The following CEP164 variants were observed in gnomAD, a reference collection of about 807,000 sequenced individuals.
The protein encoded by CEP164 is centrosomal protein 164.
In CEP164, 162 loss-of-function variants were observed where a neutral mutation model predicts 182.7. The ratio of observed to expected loss-of-function variants is 0.89; its 90% CI spans 0.78 to 1.01. CEP164 has a LOEUF of 1.01. Among genes scored for constraint, CEP164 ranks in the 50% least tolerant of loss-of-function variants. The pLI is 0.00. For missense variants in CEP164, 1,735 were observed against 1,790.4 expected (o/e 0.97, Z 0.56); for synonymous variants, 661 against 690.0 (o/e 0.96, Z 0.66).
chr11:117,349,081 G>A (rs781525656), intron 4 of CEP164, among the ~76,000 whole-genome samples: 103 of 151,760 alleles, frequency 6.8e-4, no homozygotes, highest in African/African-American at 1.2e-3. Flanking sequence ...GGAGTGCAGT[G>A]GTGCGATCTT....
chr11:117,399,515 G>T (rs1031474903), intron 27 of CEP164, among the ~76,000 whole-genome samples: 1 of 152,120 alleles, frequency 6.6e-6, no homozygotes, highest in African/African-American at 2.4e-5. Context: ...GGAATTGCTG[G>T]GTCAAATGGT....
At chr11:117,378,739 G>A (rs1258733338) in intron 11 of CEP164, among the ~76,000 whole-genome samples, 1 of 152,172 alleles carries the variant, frequency 6.6e-6, no homozygotes, top group Non-Finnish European at 1.5e-5. Flanking sequence ...CAAGAGGACC[G>A]TCCATCTGGG....
intron 11 of CEP164, among the ~76,000 whole-genome samples, chr11:117,378,579 A>T (rs1262329010): frequency 6.6e-6 from 1 of 152,204 alleles, no homozygotes; most frequent in Non-Finnish European, 1.5e-5. Flanking sequence ...GAGCCAAGTT[A>T]AGGAGAGGGA....
At chr11:117,333,484 G>A (rs553603374) in intron 1 of CEP164, among the ~76,000 whole-genome samples, 1 of 152,298 alleles carries the variant, frequency 6.6e-6, no homozygotes, top group Admixed American at 6.5e-5. Context: ...AGCTTCTGGA[G>A]TAGTTTTTCA....
intron 3 of CEP164, among the ~76,000 whole-genome samples, chr11:117,341,544 A>G (rs898531530): frequency 2.6e-5 from 4 of 151,944 alleles, no homozygotes; most frequent in Non-Finnish European, 5.9e-5. Flanking sequence ...CTTGGGCTCA[A>G]GTGATTCTCC....
In CEP164 at chr11:117,362,010, G is replaced by C. The variant is rs773059080; in HGVS notation, c.552+17G>C. 2 of 1,543,322 alleles carry C rather than the reference G, an allele frequency of 1.3e-6. No homozygotes were observed. The highest frequency in any genetic ancestry group is 1.7e-6 in the Non-Finnish European group (2 of 1,150,108). On this transcript the variant is annotated intron_variant, in intron 6 of 32. Transcript: ENST00000278935. Reference sequence around the variant, plus strand: ...CTCATGCTGGTAAGTACGTTCTCTTGCGTTCAGTGTCTGTAGTTCCTGTGG... The same window carrying C: ...CTCATGCTGGTAAGTACGTTCTCTTCCGTTCAGTGTCTGTAGTTCCTGTGG...
chr11:117,354,910 G>T (rs1310623923), intron 5 of CEP164: 74 of 1,246,208 alleles, frequency 5.9e-5, no homozygotes, highest in Non-Finnish European at 7.5e-5. Flanking sequence ...CGTTTTCTCT[G>T]CATGTTTATA....
rs1313922119 is a variant in CEP164, at chr11:117,376,412, C to T, written c.1317+621C>T. The stretch of plus-strand genomic sequence containing the variant: ...GATGATGATTGACCCATGTGTGGTA[C>T]AAAGATGGCTCAAACAGAGATCCTG... On this transcript the variant is annotated intron_variant, in intron 11 of 32. Transcript: ENST00000278935. 5.3e-5 allele frequency among the ~76,000 whole-genome samples: 8 copies of T among 152,174 alleles called. No individual in the cohort carries two copies. In the East Asian group the frequency reaches 1.5e-3, roughly 29 times the overall value.
chr11:117,340,816 G>A (rs1170013193), intron 3 of CEP164, among the ~76,000 whole-genome samples: 1 of 151,982 alleles, frequency 6.6e-6, no homozygotes, highest in Non-Finnish European at 1.5e-5. Context: ...AAGCCACTAC[G>A]ACTGGCCTCT....
chr11:117,401,966 A>G (rs954817390), intron 27 of CEP164, among the ~76,000 whole-genome samples: 12 of 152,000 alleles, frequency 7.9e-5, no homozygotes, highest in African/African-American at 2.7e-4. Context: ...TTGTGTCTCT[A>G]TCTCCTTTAA....
At chr11:117,405,102 T>G (rs536609829) in intron 27 of CEP164, among the ~76,000 whole-genome samples, 1 of 152,216 alleles carries the variant, frequency 6.6e-6, no homozygotes, top group Non-Finnish European at 1.5e-5. Context: ...TCTGTTGGGG[T>G]GGGATCTGGA....
Position 117,371,191 on chromosome 11 carries a change from C to T in CEP164, c.877C>T (p.Leu293=). The T allele has an allele frequency of 6.2e-7, 1 of 1,614,220 alleles. No individual in the cohort carries two copies. The highest frequency in any genetic ancestry group is 8.5e-7 in the Non-Finnish European group (1 of 1,180,048). Residue 293 remains leucine, a synonymous_variant, in exon 9 of 33, where the codon CTG becomes TTG. Coordinates refer to ENST00000278935, the MANE Select transcript of CEP164 (RefSeq NM_014956.5). ...CTCCAGCCCAGGTGCAGACAGCAGT[C>T]TGAGCAGTGCTGTTGGCAAAGGGCG... ...KPSSPGADSS[L]SSAVGKGRQG... is the part of the protein sequence containing the mutation.
chr11:117,406,853 T>A (rs1157396443), intron 27 of CEP164, among the ~76,000 whole-genome samples: 1 of 152,108 alleles, frequency 6.6e-6, no homozygotes, highest in Admixed American at 6.5e-5. Flanking sequence ...GCCAGCACTT[T>A]GGGAGGCCGG....
At chr11:117,373,973 T>G in intron 10 of CEP164, 142 bp downstream of exon 10, 1 of 643,262 alleles carries the variant, frequency 1.6e-6, no homozygotes, top group South Asian at 2.1e-5. Flanking sequence ...TAGCTCCAGT[T>G]TCTCAACCCA....
Position 117,361,924 on chromosome 11 carries a change from T to C in CEP164, c.483T>C (p.Leu161=), listed in dbSNP as rs761689140. ...RGLVDTPPSA[L]RGSQSVSLGS... is the part of the protein sequence containing the mutation. The stretch of plus-strand genomic sequence containing the variant: ...TTGTGGATACCCCACCCTCTGCTCT[T>C]CGTGGATCTCAAAGCGTGAGCCTGG... Residue 161 remains leucine (L), a synonymous_variant, in exon 6 of 33, where the codon CTT becomes CTC. Coordinates refer to ENST00000278935, the MANE Select transcript of CEP164 (RefSeq NM_014956.5). 1 of 1,610,854 alleles carries C rather than the reference T, an allele frequency of 6.2e-7. No individual in the cohort carries two copies. The highest frequency in any genetic ancestry group is 1.1e-5 in the South Asian group (1 of 90,418).
rs1247651761 is a variant in CEP164, at chr11:117,371,385, G to A, written c.1071G>A (p.Glu357=). ...APEDTVDAGE[E]GSRREEAAKE... The stretch of plus-strand genomic sequence containing the variant: ...AGGACACAGTAGATGCAGGAGAGGA[G>A]GGTTCCAGGAGGGAAGAGGCAGCCA... The change falls in exon 9 of 33, where the codon GAG becomes GAA. Residue 357 remains glutamate, a synonymous_variant. Transcript: ENST00000278935. The A allele has an allele frequency of 3.1e-6, 5 of 1,614,072 alleles. No homozygotes were observed. The highest frequency in any genetic ancestry group is 4.2e-6 in the Non-Finnish European group (5 of 1,180,030).
At chr11:117,410,669 A>C in intron 30 of CEP164, 159 bp from the exon 31 acceptor site, 1 of 547,190 alleles carries the variant, frequency 1.8e-6, no homozygotes, top group Non-Finnish European at 3.2e-6. Flanking sequence ...TTAAGTTTTA[A>C]AAATAAAATA....
In CEP164 at chr11:117,382,893, C is replaced by A; in HGVS notation, c.1675C>A (p.Pro559Thr). 1 of 1,613,908 alleles carries A rather than the reference C, an allele frequency of 6.2e-7. No homozygotes were observed. The highest frequency in any genetic ancestry group is 8.5e-7 in the Non-Finnish European group (1 of 1,180,006). The change falls in exon 14 of 33, where the codon CCT becomes ACT. Residue 559 changes from proline to threonine, a missense_variant. By Grantham distance (38) the Pro-to-Thr change is conservative. Transcript: ENST00000278935. ...LGPGQEEAED[P>T]EEKVAVSPTP... is the part of the protein sequence containing the mutation. The stretch of plus-strand genomic sequence containing the variant: ...CCCTGGGCAGGAAGAGGCAGAGGAT[C>A]CTGAGGAGAAGGTGGCGGTCAGCCC...
In CEP164 at chr11:117,398,812, A is replaced by AT. The variant is rs535382677; in HGVS notation, c.3501+1505dup. ...GACCCTGGGCCTGGCCCACGAAACC[A>AT]TTTTTTCCTCCTAGGCCTCTGGGTC... On this transcript the variant is annotated intron_variant, in intron 27 of 32. Transcript: ENST00000278935. Among the ~76,000 whole-genome samples the AT allele has an allele frequency of 1.1e-4, 16 of 151,976 alleles. No homozygotes were observed. In the East Asian group the frequency reaches 2.9e-3, roughly 28 times the overall value.
Sources: gnomAD v4.1 joint callset for allele counts (sites outside exome capture counted in the v4.1 genomes callset) on GRCh38, gnomAD v4.1.1 for gene constraint, MANE v1.5 for transcripts, NCBI Gene and HGNC (gene_info 2026-07-23, HGNC 2026-07-21) for gene names.